CLSTN3: variants seen among roughly 807,000 people sequenced by gnomAD.
CLSTN3 encodes the protein calsyntenin 3.
In CLSTN3, 36 loss-of-function variants were observed where a neutral mutation model predicts 95.9. The ratio of observed to expected loss-of-function variants is 0.38; its 90% CI spans 0.29 to 0.50. CLSTN3 has a LOEUF of 0.50. CLSTN3 is among the 20% of genes least tolerant of loss of function. The probability of loss-of-function intolerance (pLI) is 0.95; values close to 1 mark genes in which losing one functional copy is unlikely to be tolerated. For synonymous variants in CLSTN3, 481 were observed against 504.0 expected (o/e 0.95, Z 0.61); for missense variants, 1,084 against 1,268.8 (o/e 0.85, Z 2.21).
Position 7,150,889 on chromosome 12 carries a change from G to A in CLSTN3, c.2392-39G>A, listed in dbSNP as rs368340708. 6.4e-7 allele frequency: 1 copy of A among 1,554,676 alleles called. No individual in the cohort carries two copies. The highest frequency in any genetic ancestry group is 8.7e-7 in the Non-Finnish European group (1 of 1,144,852). ...GTCTAGAGAAGTGGGGAGGACCTGGGAGAAGCGTGTGTGCCCATGGAGCCC... is the reference window on the plus strand; with the variant it reads ...GTCTAGAGAAGTGGGGAGGACCTGGAAGAAGCGTGTGTGCCCATGGAGCCC... On this transcript the variant is annotated intron_variant, in intron 15 of 17. Transcript: ENST00000266546. The surrounding 1 kb of genome is among the most constrained non-coding windows in gnomAD (Gnocchi z 4.0).
intron 10 of CLSTN3, 136 bp from the exon 11 acceptor site, chr12:7,142,733 T>TG: frequency 1.7e-6 from 1 of 593,560 alleles, no homozygotes; most frequent in South Asian, 2.1e-5. Flanking sequence ...TTTTTTTTTT[T>TG]TTGGTTTCCA....
Position 7,137,850 on chromosome 12 carries a change from A to G in CLSTN3, c.1211-105A>G, listed in dbSNP as rs1591615387. 16 of 561,396 alleles carry G rather than the reference A, an allele frequency of 2.9e-5. No homozygotes were observed. Among genetic ancestry groups the G allele is most frequent in the East Asian group, 8.6e-5 (2 of 23,256 alleles). The allele number at this position is 561,396 out of a possible 1,614,324, so 34.8% of individuals were successfully genotyped here. ...AAGAAAAATGCTAGAGAACGAGGGAATGAGAGAGGATTAAGAGAATCCAAC... is the reference window on the plus strand; with the variant it reads ...AAGAAAAATGCTAGAGAACGAGGGAGTGAGAGAGGATTAAGAGAATCCAAC... On this transcript the variant is annotated intron_variant, in intron 7 of 17. Coordinates refer to ENST00000266546, the MANE Select transcript of CLSTN3 (RefSeq NM_014718.4). This position sits in a 1 kb window ranked among gnomAD's most constrained non-coding sequence, Gnocchi z 4.4.
chr12:7,144,722 A>G (rs1408653178), intron 12 of CLSTN3, among the ~76,000 whole-genome samples: 1 of 152,168 alleles, frequency 6.6e-6, no homozygotes, highest in Non-Finnish European at 1.5e-5. Context: ...ATGAAGATAA[A>G]CATCTCAAAT....
Position 7,133,430 on chromosome 12 carries a change from G to T in CLSTN3, c.188-143G>T. On this transcript the variant is annotated intron_variant, in intron 2 of 17. Coordinates refer to ENST00000266546, the MANE Select transcript of CLSTN3 (RefSeq NM_014718.4). This position sits in a 1 kb window ranked among gnomAD's most constrained non-coding sequence, Gnocchi z 4.7. ...TCAGGGAAGCTGGGCTTAGAGTTGCGTGTTTGATCATTAATGCTTTTGTGC... is the reference window on the plus strand; with the variant it reads ...TCAGGGAAGCTGGGCTTAGAGTTGCTTGTTTGATCATTAATGCTTTTGTGC... 2.4e-6 allele frequency: 2 copies of T among 847,010 alleles called. No individual in the cohort carries two copies. Among genetic ancestry groups the T allele is most frequent in the Non-Finnish European group, 3.7e-6 (2 of 546,070 alleles). The allele number at this position is 847,010 out of a possible 1,614,324, so 52.5% of individuals were successfully genotyped here.
At position 7,137,157 on chromosome 12, in the gene CLSTN3, T is replaced by C; in HGVS notation, c.1210+47T>C. 1 of 1,526,442 alleles carries C rather than the reference T, an allele frequency of 6.6e-7. No individual in the cohort carries two copies. Among genetic ancestry groups the C allele is most frequent in the Non-Finnish European group, 8.8e-7 (1 of 1,134,292 alleles). The allele number at this position is 1,526,442 out of a possible 1,614,324, so 94.6% of individuals were successfully genotyped here. On this transcript the variant is annotated intron_variant, in intron 7 of 17. Transcript: ENST00000266546. The surrounding 1 kb of genome is among the most constrained non-coding windows in gnomAD (Gnocchi z 4.4). The stretch of plus-strand genomic sequence containing the variant: ...TAGCCAGAGGGGGAAACTGGCTTCT[T>C]GTCCCGCCTCTGTCACTGCCCAGTG...
intron 16 of CLSTN3, chr12:7,155,801 G>T: frequency 5.5e-6 from 1 of 181,920 alleles, no homozygotes; most frequent in Non-Finnish European, 1.2e-5. Context: ...GGGTCAGGAT[G>T]GGGACCAACT....
rs759822548 is a variant in CLSTN3 at position 7,150,509 on chromosome 12, C to A, written c.2246-35C>A. The A allele has an allele frequency of 3.8e-6, 6 of 1,592,596 alleles. No individual in the cohort carries two copies. The highest frequency in any genetic ancestry group is 5.2e-6 in the Non-Finnish European group (6 of 1,164,284). ...GGGTCCTGCCCAGGTCCTGCCTCCA[C>A]TGGCCCCTGCCCTGAGGTGCTTCCT... On this transcript the variant is annotated intron_variant, in intron 14 of 17. Transcript: ENST00000266546. This position sits in a 1 kb window ranked among gnomAD's most constrained non-coding sequence, Gnocchi z 4.0.
chr12:7,142,522 C>A (rs896131811), intron 10 of CLSTN3, among the ~76,000 whole-genome samples: 8 of 151,998 alleles, frequency 5.3e-5, no homozygotes, highest in Non-Finnish European at 1.2e-4. Context: ...GCCGCCTCCC[C>A]CTCCCTCCTT....
intron 16 of CLSTN3, chr12:7,151,289 T>C: frequency 2.1e-6 from 1 of 476,714 alleles, no homozygotes; most frequent in Non-Finnish European, 3.6e-6. Flanking sequence ...ATTGTAGGGA[T>C]GCTTATGCCT....
chr12:7,137,795 T>TGTGAGA lies in CLSTN3; in HGVS notation c.1211-159_1211-158insTGAGAG, dbSNP rs768487238. On this transcript the variant is annotated intron_variant, in intron 7 of 17. Coordinates refer to ENST00000266546, the MANE Select transcript of CLSTN3 (RefSeq NM_014718.4). This position sits in a 1 kb window ranked among gnomAD's most constrained non-coding sequence, Gnocchi z 4.4. Reference sequence around the variant, plus strand: ...GTGTGTGTGTGTGTGTGTGTGTGTGTGAGAGAGAGAGAGAGAGAGAGAGAG... The same window carrying TGTGAGA: ...GTGTGTGTGTGTGTGTGTGTGTGTGTGTGAGAGAGAGAGAGAGAGAGAGAGAGAGAG... 0.049 allele frequency among the ~76,000 whole-genome samples: 3,434 copies of TGTGAGA among 70,618 alleles called. 154 individuals carry two copies. The highest frequency in any genetic ancestry group is 0.096 in the South Asian group (125 of 1,300). The allele number at this position is 70,618 out of a possible 152,430, so 46.3% of individuals were successfully genotyped here.
At chr12:7,139,302 G>A (rs983800453) in intron 8 of CLSTN3, among the ~76,000 whole-genome samples, 3 of 152,192 alleles carry the variant, frequency 2.0e-5, no homozygotes, top group Admixed American at 2.0e-4. Flanking sequence ...TGCTCCTGGG[G>A]GACCTGACTG....
At chr12:7,130,817 T>G in intron 1 of CLSTN3, 105 bp downstream of exon 1, 1 of 999,882 alleles carries the variant, frequency 1.0e-6, no homozygotes, top group Non-Finnish European at 1.5e-6. Context: ...CTGACAGGTG[T>G]CTGGCCCTCT....
rs191448906 is a variant in CLSTN3, at chr12:7,150,318, C to A, written c.2246-226C>A. ...CCTTCTTTCCATTCCTCCTCAGAAC[C>A]TACAGAGCAGGAAATGGAGCCTTGA... On this transcript the variant is annotated intron_variant, in intron 14 of 17. Coordinates refer to ENST00000266546, the MANE Select transcript of CLSTN3 (RefSeq NM_014718.4). This position sits in a 1 kb window ranked among gnomAD's most constrained non-coding sequence, Gnocchi z 4.0. Among the ~76,000 whole-genome samples the A allele has an allele frequency of 2.0e-5, 3 of 152,312 alleles. No homozygotes were observed. The highest frequency in any genetic ancestry group is 4.4e-5 in the Non-Finnish European group (3 of 68,022).
chr12:7,158,476 C>A lies in CLSTN3; in HGVS notation c.*395C>A. 1 of 164,794 alleles carries A rather than the reference C, an allele frequency of 6.1e-6. No individual in the cohort carries two copies. The highest frequency in any genetic ancestry group is 1.7e-4 in the South Asian group (1 of 5,904). The allele number at this position is 164,794 out of a possible 1,614,324, so 10.2% of individuals were successfully genotyped here. ...AAGGAAACCCTCTCCTCTCCCCTTC[C>A]CTTCTCTCTCCTGTCCATGGGAAGC... On this transcript the variant is annotated 3_prime_UTR_variant, in exon 18 of 18. Coordinates refer to ENST00000266546, the MANE Select transcript of CLSTN3 (RefSeq NM_014718.4).
intron 12 of CLSTN3, among the ~76,000 whole-genome samples, chr12:7,144,957 G>A (rs1024028312): frequency 3.3e-5 from 5 of 152,186 alleles, no homozygotes; most frequent in Non-Finnish European, 7.3e-5. Context: ...CCCAGTCAGA[G>A]CTCCAGTTGT....
chr12:7,135,411 G>A lies in CLSTN3; in HGVS notation c.468G>A (p.Glu156=), dbSNP rs758688276. The A allele has an allele frequency of 1.9e-6, 3 of 1,614,050 alleles. No homozygotes were observed. Among genetic ancestry groups the A allele is most frequent in the African/African-American group, 1.3e-5 (1 of 74,888 alleles). ...VERLYRAAVT[E]GKLYDRILRV... ...GGCTGTATCGTGCGGCTGTGACAGA[G>A]GGGAAGCTGTACGATCGCATCCTGC... The change falls in exon 4 of 18, where the codon GAG becomes GAA. Residue 156 remains glutamate (E), a synonymous_variant. Coordinates refer to ENST00000266546, the MANE Select transcript of CLSTN3 (RefSeq NM_014718.4).
In CLSTN3 at chr12:7,137,135, C is replaced by T. The variant is rs770510625; in HGVS notation, c.1210+25C>T. 1.3e-6 allele frequency: 2 copies of T among 1,577,928 alleles called. No individual in the cohort carries two copies. Among genetic ancestry groups the T allele is most frequent in the South Asian group, 1.1e-5 (1 of 88,256 alleles). On this transcript the variant is annotated intron_variant, in intron 7 of 17. Transcript: ENST00000266546. This position sits in a 1 kb window ranked among gnomAD's most constrained non-coding sequence, Gnocchi z 4.4. ...GGTGAGCCTCCCCTCCAGGCACTAG[C>T]CAGAGGGGGAAACTGGCTTCTTGTC...
chr12:7,129,808 G>T, upstream of CLSTN3: 1 of 985,744 alleles, frequency 1.0e-6, no homozygotes, highest in Non-Finnish European at 1.2e-6. The surrounding 1 kb of genome is among the most constrained non-coding windows in gnomAD (Gnocchi z 5.5). Flanking sequence ...TAGGCAGGAG[G>T]AGGCGGCCGG....
In CLSTN3 at chr12:7,133,815, C is replaced by A; in HGVS notation, c.383+47C>A. On this transcript the variant is annotated intron_variant, in intron 3 of 17. Transcript: ENST00000266546. The surrounding 1 kb of genome is among the most constrained non-coding windows in gnomAD (Gnocchi z 4.7). ...GCCCCATGTGTTGCAGGGTCCTCCTCCCTGCTCCCAAGCCCACCATCCTCT... is the reference window on the plus strand; with the variant it reads ...GCCCCATGTGTTGCAGGGTCCTCCTACCTGCTCCCAAGCCCACCATCCTCT... The A allele has an allele frequency of 1.4e-6, 2 of 1,463,132 alleles. No homozygotes were observed. The allele number at this position is 1,463,132 out of a possible 1,614,324, so 90.6% of individuals were successfully genotyped here. A position where few individuals can be genotyped will look rare whatever the true frequency, so the allele number is the denominator to read the frequency against.
Sources: allele counts gnomAD v4.1 joint callset (sites outside exome capture counted in the v4.1 genomes callset), GRCh38; gene constraint gnomAD v4.1.1; non-coding constraint Gnocchi (gnomAD v3.1); transcripts MANE v1.5; gene names NCBI Gene and HGNC (gene_info 2026-07-23, HGNC 2026-07-21).